Variants in PC observed in about 807,000 individuals in gnomAD.
The protein encoded by PC is pyruvate carboxylase, mitochondrial.
In PC, 46 loss-of-function variants were observed where a neutral mutation model predicts 107.8. The observed-to-expected ratio is 0.43, with a 90% confidence interval of 0.34 to 0.55. The LOEUF is 0.55. Among genes scored for constraint, PC ranks in the 20% least tolerant of loss-of-function variants. The pLI is 0.04. For missense variants in PC, 1,241 were observed against 1,643.1 expected (o/e 0.76, Z 4.23); for synonymous variants, 662 against 684.7 (o/e 0.97, Z 0.52).
intron 12 of PC, among the ~76,000 whole-genome samples, chr11:66,855,539 TC>T (rs1214738052): frequency 6.6e-6 from 1 of 152,184 alleles, no homozygotes; most frequent in Non-Finnish European, 1.5e-5. Flanking sequence ...CCTCAAGTGA[TC>T]CACCCGCCTC....
At chr11:66,878,573 G>A (rs1286987159) in intron 3 of PC, among the ~76,000 whole-genome samples, 2 of 152,154 alleles carry the variant, frequency 1.3e-5, no homozygotes, top group Admixed American at 6.5e-5. Flanking sequence ...TTCTTGCATT[G>A]GATCCTCATT....
At chr11:66,909,197 G>A (rs954142399) in intron 3 of PC, among the ~76,000 whole-genome samples, 15 of 152,202 alleles carry the variant, frequency 9.9e-5, no homozygotes, top group Non-Finnish European at 8.8e-5. Context: ...GCAGAGAGGT[G>A]CCACCAACTC....
chr11:66,860,949 C>T (rs1591162031), intron 12 of PC, among the ~76,000 whole-genome samples: 1 of 152,288 alleles, frequency 6.6e-6, no homozygotes, highest in Admixed American at 6.5e-5. Context: ...GCTGTGTCTG[C>T]CACCTCCCAG....
rs1263813217 is a variant in PC, at chr11:66,858,336, C to T, written c.1369-4953G>A. 6.2e-7 allele frequency: 1 copy of T among 1,605,566 alleles called. No individual in the cohort carries two copies. Among genetic ancestry groups the T allele is most frequent in the South Asian group, 1.1e-5 (1 of 90,686 alleles). ...CGCCCAGCTCGGTCAGCTCTCCCGC[C>T]TGGACCTCACCTCCAACCGCCTGGC... On this transcript the variant is annotated intron_variant, in intron 12 of 22. Transcript: ENST00000393960. The surrounding 1 kb of genome is among the most constrained non-coding windows in gnomAD (Gnocchi z 5.9).
intron 12 of PC, chr11:66,859,202 C>A (rs1946087960): frequency 1.5e-6 from 2 of 1,330,500 alleles, no homozygotes; most frequent in Non-Finnish European, 1.0e-6. Context: ...CTGACACCCC[C>A]TCCCCGACCA....
chr11:66,906,212 T>C (rs2136058644), intron 3 of PC, among the ~76,000 whole-genome samples: 1 of 152,274 alleles, frequency 6.6e-6, no homozygotes, highest in African/African-American at 2.4e-5. Context: ...AAGTATGCAT[T>C]CATTCATTCA....
chr11:66,855,110 C>T (rs1945724423), intron 12 of PC, among the ~76,000 whole-genome samples: 1 of 152,238 alleles, frequency 6.6e-6, no homozygotes, highest in South Asian at 2.1e-4. Context: ...TGTTCACAGA[C>T]ACACGCTGAA....
In PC at chr11:66,852,808, G is replaced by A. The variant is rs2135817170; in HGVS notation, c.1542C>T (p.Thr514=). 6 of 1,586,182 alleles carry A rather than the reference G, an allele frequency of 3.8e-6. No homozygotes were observed. The highest frequency in any genetic ancestry group is 5.2e-6 in the Non-Finnish European group (6 of 1,162,706). Residue 514 remains threonine, a synonymous_variant, in exon 14 of 23, where the codon ACC becomes ACT. Coordinates refer to ENST00000393960, the MANE Select transcript of PC (RefSeq NM_001040716.2). This position sits in a 1 kb window ranked among gnomAD's most constrained non-coding sequence, Gnocchi z 4.7. ...TGGGGCTGGCCTTGACGGGAATCGG[G>A]GTGGTTGGACCGTTTACCATGACAT... ...LGHVMVNGPT[T]PIPVKASPSP...
At chr11:66,873,644 C>T (rs150372680) in intron 3 of PC, among the ~76,000 whole-genome samples, 39 of 144,230 alleles carry the variant, frequency 2.7e-4, no homozygotes, top group African/African-American at 9.6e-4. Context: ...GCCAGCCCTT[C>T]ATTTGTAAAA....
chr11:66,871,924 A>G lies in PC; in HGVS notation c.137-53T>C. The G allele has an allele frequency of 2.5e-6, 4 of 1,586,216 alleles. No individual in the cohort carries two copies. Among genetic ancestry groups the G allele is most frequent in the Non-Finnish European group, 3.4e-6 (4 of 1,167,886 alleles). On this transcript the variant is annotated intron_variant, in intron 4 of 22. Transcript: ENST00000393960. The surrounding 1 kb of genome is among the most constrained non-coding windows in gnomAD (Gnocchi z 7.4). Reference sequence around the variant, plus strand: ...ATTCCTAGGTCCTAGGAGAAGCAGAAAGGGGAGTGGGAAGCCAGGGCCTGG... The same window carrying G: ...ATTCCTAGGTCCTAGGAGAAGCAGAGAGGGGAGTGGGAAGCCAGGGCCTGG...
intron 3 of PC, among the ~76,000 whole-genome samples, chr11:66,887,219 C>G (rs560848760): frequency 6.6e-6 from 1 of 152,298 alleles, no homozygotes; most frequent in South Asian, 2.1e-4. Context: ...CCAAGCTCCA[C>G]CCCAACCCAG....
At chr11:66,946,254 T>G (rs36012356) in intron 3 of PC, among the ~76,000 whole-genome samples, 1 of 152,032 alleles carries the variant, frequency 6.6e-6, no homozygotes, top group Non-Finnish European at 1.5e-5. Flanking sequence ...CACATGATTT[T>G]GGGAGGCTGA....
At position 66,859,151 on chromosome 11, in the gene PC, C is replaced by T; in HGVS notation, c.1368+4623G>A. 4 of 1,466,994 alleles carry T rather than the reference C, an allele frequency of 2.7e-6. No homozygotes were observed. The South Asian group carries it at 4.5e-5, about 16-fold the overall frequency. 90.9% of individuals were successfully genotyped at this position (1,466,994 alleles called of 1,614,324 possible). ...CCCGGCGCCCTTCCTCCGCCCTCTG[C>T]TCCCCACAAGGCTTTGCTTCCACCC... On this transcript the variant is annotated intron_variant, in intron 12 of 22. Transcript: ENST00000393960.
chr11:66,934,678 C>G (rs1241863431), intron 3 of PC, among the ~76,000 whole-genome samples: 2 of 152,180 alleles, frequency 1.3e-5, no homozygotes, highest in Non-Finnish European at 2.9e-5. Context: ...GTTGCCCAGG[C>G]TGGGGTGCAA....
Position 66,852,054 on chromosome 11 carries a change from G to T in PC, c.1826-108C>A. Reference sequence around the variant, plus strand: ...GCCTCTGGCCCCAATACCAGGTCCTGCTCATCTTCGCCATACCTGTGTTCC... The same window carrying T: ...GCCTCTGGCCCCAATACCAGGTCCTTCTCATCTTCGCCATACCTGTGTTCC... On this transcript the variant is annotated intron_variant, in intron 15 of 22. Coordinates refer to ENST00000393960, the MANE Select transcript of PC (RefSeq NM_001040716.2). The surrounding 1 kb of genome is among the most constrained non-coding windows in gnomAD (Gnocchi z 4.7). The T allele has an allele frequency of 8.8e-7, 1 of 1,131,754 alleles. No individual in the cohort carries two copies. 70.1% of individuals were successfully genotyped at this position (1,131,754 alleles called of 1,614,324 possible).
chr11:66,933,597 T>C (rs1241566258), intron 3 of PC, among the ~76,000 whole-genome samples: 1 of 152,186 alleles, frequency 6.6e-6, no homozygotes, highest in African/African-American at 2.4e-5. Flanking sequence ...AAGATGAAGA[T>C]TGAGCTGCAA....
intron 3 of PC, among the ~76,000 whole-genome samples, chr11:66,911,268 C>T (rs1815845057): frequency 6.6e-6 from 1 of 152,166 alleles, no homozygotes; most frequent in African/African-American, 2.4e-5. Flanking sequence ...GAAGGAGCTG[C>T]GAGATGTGAA....
In PC at chr11:66,870,657, G is replaced by A; in HGVS notation, c.751+118C>T. The A allele has an allele frequency of 2.5e-6, 3 of 1,222,326 alleles. No individual in the cohort carries two copies. Among genetic ancestry groups the A allele is most frequent in the Non-Finnish European group, 3.6e-6 (3 of 838,780 alleles). 75.7% of individuals were successfully genotyped at this position (1,222,326 alleles called of 1,614,324 possible). On this transcript the variant is annotated intron_variant, in intron 8 of 22. Transcript: ENST00000393960. The surrounding 1 kb of genome is among the most constrained non-coding windows in gnomAD (Gnocchi z 6.1). ...AGAGCCCACTTTCCAGAGTCCTCTG[G>A]AAAAGCGCCCGACAGGCCCCAGGGC...
chr11:66,853,949 A>G (rs976161680), intron 12 of PC, among the ~76,000 whole-genome samples: 2 of 152,186 alleles, frequency 1.3e-5, no homozygotes, highest in African/African-American at 4.8e-5. Context: ...CCAGGGCAAG[A>G]CCCAGAGGTG....
Sources: gnomAD v4.1 joint callset for allele counts (sites outside exome capture counted in the v4.1 genomes callset) on GRCh38, gnomAD v4.1.1 for gene constraint, Gnocchi (gnomAD v3.1) non-coding constraint, MANE v1.5 for transcripts, NCBI Gene and HGNC (gene_info 2026-07-23, HGNC 2026-07-21) for gene names.